The following GPM6B variants were observed in gnomAD, a reference collection of about 807,000 sequenced individuals.
GPM6B encodes the protein glycoprotein M6B.
Under a neutral mutation model 27.2 loss-of-function variants are expected in GPM6B, and 4 were observed. That is an observed-to-expected ratio of 0.15 (90% CI 0.07 to 0.34). GPM6B has a LOEUF of 0.34. GPM6B is among the 10% of genes least tolerant of loss of function. The pLI, the probability that GPM6B is intolerant of heterozygous loss-of-function variation, is 1.00. For synonymous variants in GPM6B, 124 were observed against 103.1 expected (o/e 1.20, Z -1.23); for missense variants, 183 against 261.9 (o/e 0.70, Z 2.08).
At chrX:13,889,128 C>T (rs2050165246) in intron 1 of GPM6B, 1 of 111,032 alleles carries the variant, frequency 9.0e-6, no homozygotes, top group Admixed American at 9.6e-5. Flanking sequence ...GAACCTGAAT[C>T]CTTGTGATGT....
intron 1 of GPM6B, among the ~76,000 whole-genome samples, chrX:13,843,785 TTAA>T (rs2049610537): frequency 8.9e-6 from 1 of 112,401 alleles, no homozygotes. Flanking sequence ...TGTCTTATTA[TTAA>T]TTTTAATATA....
intron 1 of GPM6B, among the ~76,000 whole-genome samples, chrX:13,887,692 A>G (rs747086359): frequency 8.9e-6 from 1 of 111,937 alleles, no homozygotes; most frequent in East Asian, 2.8e-4. Context: ...GAGGGAGAAA[A>G]GAGTGGTGGT....
At chrX:13,802,317 T>G (rs1001008388) in intron 2 of GPM6B, among the ~76,000 whole-genome samples, 7 of 110,795 alleles carry the variant, frequency 6.3e-5, no homozygotes, top group Middle Eastern at 4.2e-3. Context: ...CACTCAATAC[T>G]CATCGATCTG....
At chrX:13,934,105 C>T (rs763811601) in intron 1 of GPM6B, among the ~76,000 whole-genome samples, 3 of 110,307 alleles carry the variant, frequency 2.7e-5, no homozygotes, top group Non-Finnish European at 5.7e-5. Context: ...CAACAGCTTT[C>T]GGTAGAGCAA....
At chrX:13,891,115 G>GT (rs2050184289) in intron 1 of GPM6B, among the ~76,000 whole-genome samples, 1 of 110,549 alleles carries the variant, frequency 9.0e-6, no homozygotes, top group Non-Finnish European at 1.9e-5. Flanking sequence ...AGTAATTTCA[G>GT]TTTTTGCCAT....
rs760794959 is a variant in GPM6B at position 13,777,334 on chromosome X, G to C, written c.771+18C>G. 2.6e-6 allele frequency: 3 copies of C among 1,143,055 alleles called. No individual in the cohort carries two copies. Among genetic ancestry groups the C allele is most frequent in the Non-Finnish European group, 3.6e-6 (3 of 834,034 alleles). 94.2% of individuals were successfully genotyped at this position (1,143,055 alleles called of 1,213,427 possible). ...CAGCCTAATACTCAAGGGTTATTCT[G>C]AACTGTGATGAGTTTACCTCGTTTG... is the stretch of plus-strand genomic sequence containing the variant. On this transcript the variant is annotated intron_variant, in intron 6 of 7. Coordinates refer to ENST00000316715, the MANE Select transcript of GPM6B (RefSeq NM_001001995.3).
intron 2 of GPM6B, among the ~76,000 whole-genome samples, chrX:13,787,200 A>G (rs1201259747): frequency 9.0e-6 from 1 of 111,403 alleles, no homozygotes; most frequent in Non-Finnish European, 1.9e-5. Context: ...GTGACTATGA[A>G]AACTCATTAC....
At chrX:13,862,568 T>C (rs1267239883) in intron 1 of GPM6B, among the ~76,000 whole-genome samples, 1 of 112,459 alleles carries the variant, frequency 8.9e-6, no homozygotes, top group Non-Finnish European at 1.9e-5. Flanking sequence ...GAAGCAGTGG[T>C]AATACATAGA....
In GPM6B at chrX:13,823,807, C is replaced by T. The variant is rs184032369; in HGVS notation, c.-197-37999G>A. ...AGTGCTGCGATTAGGCATGAGCCAC[C>T]GCACCCAGCTTCCACTGAACCTCAT... On this transcript the variant is annotated intron_variant, in intron 1 of 6. Transcript: ENST00000398361. 1.6e-3 allele frequency among the ~76,000 whole-genome samples: 184 copies of T among 112,157 alleles called. 1 individual carries two copies. The highest frequency in any genetic ancestry group is 5.6e-3 in the African/African-American group (172 of 30,876).
chrX:13,773,753 T>C (rs1300617677), intron 7 of GPM6B: 1 of 113,961 alleles, frequency 8.8e-6, no homozygotes, highest in Non-Finnish European at 1.8e-5. Context: ...TAGTTCATAC[T>C]TTCTTCTCAA....
At chrX:13,916,667 G>A (rs1171398429) in intron 1 of GPM6B, among the ~76,000 whole-genome samples, 1 of 76,018 alleles carries the variant, frequency 1.3e-5, no homozygotes, top group Admixed American at 1.5e-4. Context: ...TTATTAATGT[G>A]TGTGTGTGTG....
chrX:13,772,075 TAGTTATGATATAAATTCTTAGAAATTTAA>T lies in GPM6B; in HGVS notation c.*777_*805del, dbSNP rs1209440163. 1.8e-5 allele frequency: 2 copies of T among 112,296 alleles called. No individual in the cohort carries two copies. The highest frequency in any genetic ancestry group is 3.8e-5 in the Non-Finnish European group (2 of 53,203). The allele number at this position is 112,296 out of a possible 1,213,427, so 9.3% of individuals were successfully genotyped here. A position where few individuals can be genotyped will look rare whatever the true frequency, so the allele number is the denominator to read the frequency against. ...ATTCTGTGAAAGATATTTGGGTCTCTAGTTATGATATAAATTCTTAGAAATTTAAAGCAAATACTCATTAAGGCAAAGCT... is the reference window on the plus strand; with the variant it reads ...ATTCTGTGAAAGATATTTGGGTCTCTAGCAAATACTCATTAAGGCAAAGCT... On this transcript the variant is annotated 3_prime_UTR_variant, in exon 8 of 8. Transcript: ENST00000316715.
At chrX:13,866,783 TAGTG>T (rs1215523470) in intron 1 of GPM6B, among the ~76,000 whole-genome samples, 1 of 112,131 alleles carries the variant, frequency 8.9e-6, no homozygotes, top group African/African-American at 3.2e-5. Flanking sequence ...TTTAGCATTA[TAGTG>T]AAGACAAATT....
chrX:13,917,208 G>A lies in GPM6B; in HGVS notation c.-198+21119C>T, dbSNP rs72614527. On this transcript the variant is annotated intron_variant, in intron 1 of 6. Coordinates refer to the GPM6B transcript ENST00000398361. ...AGCCTGGGCAACAGGGTGAGATCCTGTCTCAAAAAGAAAAGAAACATTCCA... is the reference window on the plus strand; with the variant it reads ...AGCCTGGGCAACAGGGTGAGATCCTATCTCAAAAAGAAAAGAAACATTCCA... 1.4e-4 allele frequency among the ~76,000 whole-genome samples: 16 copies of A among 112,136 alleles called. No individual in the cohort carries two copies. The East Asian group carries it at 4.4e-3, about 31-fold the overall frequency.
chrX:13,937,154 T>C (rs1002683278), intron 1 of GPM6B, among the ~76,000 whole-genome samples: 1 of 111,800 alleles, frequency 8.9e-6, no homozygotes, highest in East Asian at 2.8e-4. Context: ...TACAGGCCAC[T>C]CGATTCTGCC....
chrX:13,848,290 C>T (rs900913131), intron 1 of GPM6B, among the ~76,000 whole-genome samples: 4 of 111,830 alleles, frequency 3.6e-5, no homozygotes, highest in African/African-American at 6.5e-5. Context: ...TGCAGCCCAA[C>T]TTCTCCCTCT....
At chrX:13,884,156 C>T (rs930033121) in intron 1 of GPM6B, among the ~76,000 whole-genome samples, 3 of 112,240 alleles carry the variant, frequency 2.7e-5, no homozygotes, top group Admixed American at 9.4e-5. Context: ...CCAGCCTGGG[C>T]GACAGAGTGA....
At chrX:13,793,887 T>C (rs1457617454) in intron 2 of GPM6B, among the ~76,000 whole-genome samples, 1 of 111,925 alleles carries the variant, frequency 8.9e-6, no homozygotes, top group Non-Finnish European at 1.9e-5. Flanking sequence ...GCTCTCCTCA[T>C]GGCCTGCAAA....
At chrX:13,910,132 T>A (rs1715889514) in intron 1 of GPM6B, among the ~76,000 whole-genome samples, 1 of 111,557 alleles carries the variant, frequency 9.0e-6, no homozygotes, top group Non-Finnish European at 1.9e-5. Flanking sequence ...CCCTGGAGGG[T>A]GGTGTGGCTC....
Sources: allele counts gnomAD v4.1 joint callset (sites outside exome capture counted in the v4.1 genomes callset), GRCh38; gene constraint gnomAD v4.1.1; transcripts MANE v1.5; gene names NCBI Gene and HGNC (gene_info 2026-07-23, HGNC 2026-07-21).